MAP3K2: variants seen among roughly 807,000 people sequenced by gnomAD.
MAP3K2 encodes mitogen-activated protein kinase kinase kinase 2.
Under a neutral mutation model 80.3 loss-of-function variants are expected in MAP3K2, and 24 were observed. The observed-to-expected ratio is 0.30, with a 90% confidence interval of 0.22 to 0.42. The LOEUF is 0.42. Among genes scored for constraint, MAP3K2 ranks in the 10% least tolerant of loss-of-function variants. MAP3K2 has a pLI of 1.00. For missense variants in MAP3K2, 608 were observed against 750.1 expected, an observed-to-expected ratio of 0.81 and a Z score of 2.21; for synonymous variants, 244 against 253.7, an observed-to-expected ratio of 0.96 and a Z score of 0.36.
intron 1 of MAP3K2, among the ~76,000 whole-genome samples, chr2:127,386,702 A>G (rs1037501168): frequency 5.3e-5 from 8 of 152,202 alleles, no homozygotes; most frequent in Non-Finnish European, 1.2e-4. Context: ...ATGATTTGGC[A>G]AAAGATATCG....
chr2:127,330,186 T>A (rs766271387), intron 6 of MAP3K2, among the ~76,000 whole-genome samples, 178 bp from the exon 7 acceptor site: 1 of 152,220 alleles, frequency 6.6e-6, no homozygotes, highest in Admixed American at 6.5e-5. Context: ...TAGCTTCGTA[T>A]GTACAACATA....
chr2:127,315,636 T>C (rs1217132177), intron 14 of MAP3K2, among the ~76,000 whole-genome samples: 1 of 152,172 alleles, frequency 6.6e-6, no homozygotes, highest in African/African-American at 2.4e-5. Context: ...TCTCTACTTG[T>C]AGTATTATAC....
In MAP3K2 at chr2:127,364,928, G is replaced by A. The variant is rs1686945315; in HGVS notation, c.-65-21734C>T. Among the ~76,000 whole-genome samples the A allele has an allele frequency of 6.6e-6, 1 of 152,012 alleles. No individual in the cohort carries two copies. Among genetic ancestry groups the A allele is most frequent in the Non-Finnish European group, 1.5e-5 (1 of 67,996 alleles). On this transcript the variant is annotated intron_variant, in intron 1 of 16. Coordinates refer to ENST00000682094, the MANE Select transcript of MAP3K2 (RefSeq NM_001371910.2). The surrounding 1 kb of genome is among the most constrained non-coding windows in gnomAD (Gnocchi z 4.1). ...AGATCACCTGAGGTCAGGAGTTTGA[G>A]ACCGGCCTGGCCAACATGGCAAAAC...
intron 1 of MAP3K2, among the ~76,000 whole-genome samples, chr2:127,377,209 T>G (rs1466425493): frequency 1.3e-5 from 2 of 152,134 alleles, no homozygotes; most frequent in Non-Finnish European, 2.9e-5. Flanking sequence ...CCCATAAAAT[T>G]TATTTAAAAT....
chr2:127,319,942 C>T (rs1368217226), intron 12 of MAP3K2, among the ~76,000 whole-genome samples: 1 of 151,782 alleles, frequency 6.6e-6, no homozygotes, highest in Non-Finnish European at 1.5e-5. Flanking sequence ...CAGTGGTGCA[C>T]AGAGACCATG....
intron 1 of MAP3K2, 140 bp from the exon 2 acceptor site, chr2:127,343,334 G>A: frequency 2.0e-6 from 1 of 491,988 alleles, no homozygotes; most frequent in Non-Finnish European, 3.6e-6. Flanking sequence ...AGGGGGAGGT[G>A]TTTTATATTG....
At chr2:127,381,947 C>A (rs997011241) in intron 1 of MAP3K2, among the ~76,000 whole-genome samples, 1 of 151,536 alleles carries the variant, frequency 6.6e-6, no homozygotes, top group Non-Finnish European at 1.5e-5. Flanking sequence ...TCTGACAAAT[C>A]GAGAATATGA....
chr2:127,344,945 C>A (rs1029587880), intron 1 of MAP3K2, among the ~76,000 whole-genome samples: 1 of 152,086 alleles, frequency 6.6e-6, no homozygotes, highest in African/African-American at 2.4e-5. Context: ...CTCACTGCAG[C>A]CTTGATCTGC....
chr2:127,387,279 A>G (rs1687372222), intron 1 of MAP3K2, among the ~76,000 whole-genome samples, 173 bp downstream of exon 1: 1 of 152,030 alleles, frequency 6.6e-6, no homozygotes. Context: ...AGGGGGCCCA[A>G]GGTCCGCCCT....
At chr2:127,376,054 A>G (rs188323442) in intron 1 of MAP3K2, among the ~76,000 whole-genome samples, 14 of 152,268 alleles carry the variant, frequency 9.2e-5, no homozygotes, top group Non-Finnish European at 1.8e-4. Context: ...ACCTGATGCT[A>G]AAAACAGAAA....
chr2:127,323,093 C>T (rs896154610), intron 11 of MAP3K2, among the ~76,000 whole-genome samples: 1 of 150,142 alleles, frequency 6.7e-6, no homozygotes, highest in African/African-American at 2.4e-5. Flanking sequence ...TGGCAAAACC[C>T]CATCTCTACT....
intron 1 of MAP3K2, among the ~76,000 whole-genome samples, chr2:127,353,668 G>A (rs1285650230): frequency 6.8e-6 from 1 of 147,848 alleles, no homozygotes; most frequent in Non-Finnish European, 1.5e-5. Flanking sequence ...GGAGGTGAGG[G>A]GCGCCTCTGC....
chr2:127,298,760 G>A lies in MAP3K2; in HGVS notation c.*8819C>T, dbSNP rs1201343832. On this transcript the variant is annotated 3_prime_UTR_variant, in exon 17 of 17. Coordinates refer to ENST00000682094, the MANE Select transcript of MAP3K2 (RefSeq NM_001371910.2). ...TCCAGAAGGTTACTTATTAGAGTAAGCCTTTGCACCACAATCTTTCAAAAA... is the reference window on the plus strand; with the variant it reads ...TCCAGAAGGTTACTTATTAGAGTAAACCTTTGCACCACAATCTTTCAAAAA... The A allele has an allele frequency of 4.6e-5, 7 of 152,168 alleles. No homozygotes were observed. Among genetic ancestry groups the A allele is most frequent in the African/African-American group, 1.4e-4 (6 of 41,438 alleles). The allele number at this position is 152,168 out of a possible 1,614,324, so 9.4% of individuals were successfully genotyped here. A position where few individuals can be genotyped will look rare whatever the true frequency, so the allele number is the denominator to read the frequency against.
Position 127,386,716 on chromosome 2 carries a change from A to C in MAP3K2, c.-66+736T>G, listed in dbSNP as rs79774499. 9.1e-3 allele frequency among the ~76,000 whole-genome samples: 1,379 copies of C among 152,318 alleles called. 29 individuals carry two copies. The highest frequency in any genetic ancestry group is 0.032 in the African/African-American group (1,317 of 41,564). ...AATGATTTGGCAAAAGATATCGAAG[A>C]GCTTACGTTAGGGAAAACTAAACTG... On this transcript the variant is annotated intron_variant, in intron 1 of 16. Transcript: ENST00000682094.
chr2:127,324,689 T>C (rs1686095023), intron 9 of MAP3K2, among the ~76,000 whole-genome samples: 1 of 152,230 alleles, frequency 6.6e-6, no homozygotes, highest in Non-Finnish European at 1.5e-5. Flanking sequence ...CTTAAATGTC[T>C]ACCTTAAGAT....
chr2:127,352,233 T>C (rs1422816022), intron 1 of MAP3K2, among the ~76,000 whole-genome samples: 2 of 152,108 alleles, frequency 1.3e-5, no homozygotes, highest in Non-Finnish European at 2.9e-5. Context: ...TACAGAACAC[T>C]GCTACTTCCG....
rs540885649 is a variant in MAP3K2, at chr2:127,359,504, G to A, written c.-65-16310C>T. 1.3e-5 allele frequency among the ~76,000 whole-genome samples: 2 copies of A among 152,302 alleles called. 1 individual carries two copies. The highest frequency in any genetic ancestry group is 4.1e-4 in the South Asian group (2 of 4,830). On this transcript the variant is annotated intron_variant, in intron 1 of 16. Coordinates refer to ENST00000682094, the MANE Select transcript of MAP3K2 (RefSeq NM_001371910.2). ...AAAACATCATACATTGCATTGATGAGAGAGTGTCAAGCGGTACAATCACTT... is the reference window on the plus strand; with the variant it reads ...AAAACATCATACATTGCATTGATGAAAGAGTGTCAAGCGGTACAATCACTT...
At chr2:127,314,928 G>A in intron 14 of MAP3K2, 45 bp from the exon 15 acceptor site, 1 of 1,426,854 alleles carries the variant, frequency 7.0e-7, no homozygotes, top group Non-Finnish European at 9.6e-7. Context: ...TATATGGTTT[G>A]AAATGAAAAC....
intron 1 of MAP3K2, among the ~76,000 whole-genome samples, chr2:127,348,901 T>C (rs1686643361): frequency 6.6e-6 from 1 of 152,136 alleles, no homozygotes; most frequent in East Asian, 1.9e-4. Context: ...TATTATCAGA[T>C]ATGCTGGTTT....
Sources: allele counts gnomAD v4.1 joint callset (sites outside exome capture counted in the v4.1 genomes callset), GRCh38; gene constraint gnomAD v4.1.1; non-coding constraint Gnocchi (gnomAD v3.1); transcripts MANE v1.5; gene names NCBI Gene and HGNC (gene_info 2026-07-23, HGNC 2026-07-21).